The following PCDHGA8 variants were observed in gnomAD, a reference collection of about 807,000 sequenced individuals.
The protein encoded by PCDHGA8 is protocadherin gamma-A8.
A neutral mutation model predicts 59.2 loss-of-function variants in PCDHGA8; 45 were observed. That is an observed-to-expected ratio of 0.76 (90% CI 0.60 to 0.98). PCDHGA8 has a LOEUF of 0.98. Ranked by LOEUF, PCDHGA8 falls within the 50% of genes least tolerant of loss-of-function variation. The pLI is 0.00. For missense variants in PCDHGA8, 1,257 were observed against 1,196.2 expected, an observed-to-expected ratio of 1.05 and a Z score of -0.75; for synonymous variants, 531 against 519.0, an observed-to-expected ratio of 1.02 and a Z score of -0.32.
chr5:141,468,055 T>G (rs2099156893), intron 1 of PCDHGA8, among the ~76,000 whole-genome samples: 1 of 152,096 alleles, frequency 6.6e-6, no homozygotes, highest in Admixed American at 6.5e-5. Flanking sequence ...CCGGGCACAG[T>G]GGCTCACACC....
chr5:141,458,347 T>A (rs1351687231), intron 1 of PCDHGA8, among the ~76,000 whole-genome samples: 1 of 151,916 alleles, frequency 6.6e-6, no homozygotes, highest in Non-Finnish European at 1.5e-5. Flanking sequence ...AGTGGAGAGT[T>A]TAATAAGCAA....
chr5:141,458,556 T>C (rs1424881453), intron 1 of PCDHGA8, among the ~76,000 whole-genome samples: 1 of 145,670 alleles, frequency 6.9e-6, no homozygotes, highest in Non-Finnish European at 1.5e-5. Flanking sequence ...TTGTTTGTTT[T>C]GGTTTTGGGT....
chr5:141,415,758 T>TG, intron 1 of PCDHGA8: 1 of 1,381,742 alleles, frequency 7.2e-7, no homozygotes, highest in South Asian at 1.7e-5. Context: ...TTTTTTTTTT[T>TG]TTTTTTTTTT....
intron 1 of PCDHGA8, among the ~76,000 whole-genome samples, chr5:141,405,781 A>G (rs913529807): frequency 2.6e-5 from 4 of 151,674 alleles, no homozygotes; most frequent in African/African-American, 7.3e-5. Context: ...CCTGGCCCTT[A>G]ACTTTCTATT....
intron 2 of PCDHGA8, among the ~76,000 whole-genome samples, chr5:141,496,186 G>A (rs879940448): frequency 2.0e-5 from 3 of 152,018 alleles, no homozygotes; most frequent in Non-Finnish European, 4.4e-5. Flanking sequence ...AGCAGCCCCA[G>A]CTGCTCATTT....
At chr5:141,499,461 A>G (rs1448103747) in intron 2 of PCDHGA8, among the ~76,000 whole-genome samples, 2 of 152,226 alleles carry the variant, frequency 1.3e-5, no homozygotes. Flanking sequence ...TCATTTTACA[A>G]TCTAGGGAGA....
At position 141,494,826 on chromosome 5, in the gene PCDHGA8, A is replaced by C; in HGVS notation, c.2444A>C (p.Asp815Ala). The change falls in exon 2 of 4, where the codon GAC becomes GCC. Residue 815 changes from aspartate to alanine, a missense_variant. Asp to Ala is a moderately radical substitution (Grantham distance 126, BLOSUM62 -2). Transcript: ENST00000398604. The part of the protein sequence containing the change: ...DHGQQAPPNT[D>A]WRFSQAQRPG... ...CCACAGCAAGCCCCGCCCAACACGGACTGGCGTTTCTCTCAGGCCCAGAGA... is the reference window on the plus strand; with the variant it reads ...CCACAGCAAGCCCCGCCCAACACGGCCTGGCGTTTCTCTCAGGCCCAGAGA... 4 of 1,613,960 alleles carry C rather than the reference A, an allele frequency of 2.5e-6. No individual in the cohort carries two copies. Among genetic ancestry groups the C allele is most frequent in the Non-Finnish European group, 3.4e-6 (4 of 1,179,976 alleles).
intron 1 of PCDHGA8, among the ~76,000 whole-genome samples, chr5:141,437,842 A>G (rs1372385076): frequency 2.0e-5 from 3 of 150,650 alleles, no homozygotes; most frequent in East Asian, 3.9e-4. Context: ...GGTTCATGCT[A>G]TTCTCCTGCC....
chr5:141,419,322 C>T lies in PCDHGA8; in HGVS notation c.2424+24085C>T, dbSNP rs370480327. The stretch of plus-strand genomic sequence containing the variant: ...GACTTCGGGCTCAACGGCCGTGTCT[C>T]CTACTCTCTCATTGCCAGCGACCTG... On this transcript the variant is annotated intron_variant, in intron 1 of 3. Transcript: ENST00000398604. 164 of 1,613,852 alleles carry T rather than the reference C, an allele frequency of 1.0e-4. No individual in the cohort carries two copies. Among genetic ancestry groups the T allele is most frequent in the Non-Finnish European group, 1.3e-4 (153 of 1,179,898 alleles).
chr5:141,430,952 C>T, intron 1 of PCDHGA8: 2 of 1,610,382 alleles, frequency 1.2e-6, no homozygotes, highest in Non-Finnish European at 1.7e-6. Flanking sequence ...GCGCGGAGTC[C>T]GCATCATCCC....
chr5:141,396,790 C>G (rs2093435054), intron 1 of PCDHGA8, among the ~76,000 whole-genome samples: 2 of 152,128 alleles, frequency 1.3e-5, no homozygotes. Flanking sequence ...AGGACATTTC[C>G]TAAGGATTGT....
intron 1 of PCDHGA8, among the ~76,000 whole-genome samples, chr5:141,444,982 A>G (rs10066383): frequency 7.1e-4 from 108 of 152,272 alleles, no homozygotes; most frequent in African/African-American, 2.5e-3. Flanking sequence ...ATCCATGAAC[A>G]TGGTATATAT....
intron 1 of PCDHGA8, among the ~76,000 whole-genome samples, chr5:141,483,907 C>T (rs545585133): frequency 6.0e-5 from 9 of 151,124 alleles, no homozygotes; most frequent in Non-Finnish European, 1.0e-4. Flanking sequence ...TGGTGTGTTT[C>T]CCACTCAGAT....
intron 1 of PCDHGA8, among the ~76,000 whole-genome samples, chr5:141,433,995 CT>C (rs2097669147): frequency 2.6e-5 from 4 of 152,028 alleles, no homozygotes; most frequent in Admixed American, 2.0e-4. Flanking sequence ...GTTTTATATT[CT>C]CTATATATGT....
At chr5:141,465,742 A>G (rs1425097489) in intron 1 of PCDHGA8, among the ~76,000 whole-genome samples, 1 of 151,214 alleles carries the variant, frequency 6.6e-6, no homozygotes, top group Non-Finnish European at 1.5e-5. Flanking sequence ...TGTTTTCAGG[A>G]TCAGACTGGT....
In PCDHGA8 at chr5:141,462,600, A is replaced by G. The variant is rs2154567827; in HGVS notation, c.2425-32207A>G. ...ATCCAGTGAAGTTTCCATTTCATAT[A>G]TTGTATTTTTCACTTTTAGAAGTTC... is the stretch of plus-strand genomic sequence containing the variant. On this transcript the variant is annotated intron_variant, in intron 1 of 3. Coordinates refer to ENST00000398604, the MANE Select transcript of PCDHGA8 (RefSeq NM_032088.2). Among the ~76,000 whole-genome samples, 6 of 152,076 alleles carry G rather than the reference A, an allele frequency of 3.9e-5. No homozygotes were observed. In the Middle Eastern group the frequency reaches 0.014, roughly 345 times the overall value.
Position 141,489,160 on chromosome 5 carries a change from C to A in PCDHGA8, c.2425-5647C>A. 1 of 1,029,962 alleles carries A rather than the reference C, an allele frequency of 9.7e-7. No individual in the cohort carries two copies. The highest frequency in any genetic ancestry group is 1.4e-6 in the Non-Finnish European group (1 of 701,366). 63.8% of individuals were successfully genotyped at this position (1,029,962 alleles called of 1,614,324 possible). ...GGCTGGAAGGAGACATAAGAGACTT[C>A]AGCTGCTGCATTCCAAGCCCTGGGT... On this transcript the variant is annotated intron_variant, in intron 1 of 3. Coordinates refer to ENST00000398604, the MANE Select transcript of PCDHGA8 (RefSeq NM_032088.2). The surrounding 1 kb of genome is among the most constrained non-coding windows in gnomAD (Gnocchi z 4.5).
At chr5:141,416,014 A>G (rs1258459397) in intron 1 of PCDHGA8, 1 of 228,504 alleles carries the variant, frequency 4.4e-6, no homozygotes, top group African/African-American at 2.3e-5. Flanking sequence ...AAGAATAGGT[A>G]AGTATCAGAA....
At chr5:141,428,164 T>C (rs1221973020) in intron 1 of PCDHGA8, 1 of 1,564,976 alleles carries the variant, frequency 6.4e-7, no homozygotes, top group South Asian at 1.1e-5. Flanking sequence ...TGCTGGTTGC[T>C]GTGCGTGACG....
Sources: allele counts gnomAD v4.1 joint callset (sites outside exome capture counted in the v4.1 genomes callset), GRCh38; gene constraint gnomAD v4.1.1; non-coding constraint Gnocchi (gnomAD v3.1); transcripts MANE v1.5; gene names NCBI Gene and HGNC (gene_info 2026-07-23, HGNC 2026-07-21).